TBC1D20: variants seen among roughly 807,000 people sequenced by gnomAD.
TBC1D20 encodes chromosome 20 open reading frame 140.
Under a neutral mutation model 41.6 loss-of-function variants are expected in TBC1D20, and 12 were observed. That is an observed-to-expected ratio of 0.29 (90% CI 0.18 to 0.47). The LOEUF is 0.47. TBC1D20 is among the 20% of genes least tolerant of loss of function. TBC1D20 has a pLI of 1.00. For synonymous variants in TBC1D20, 205 were observed against 204.8 expected, an observed-to-expected ratio of 1.00 and a Z score of -0.01; for missense variants, 421 against 517.4, an observed-to-expected ratio of 0.81 and a Z score of 1.81.
intron 1 of TBC1D20, among the ~76,000 whole-genome samples, chr20:455,332 A>C (rs1241755073): frequency 6.6e-6 from 1 of 152,198 alleles, no homozygotes; most frequent in Non-Finnish European, 1.5e-5. Flanking sequence ...AGAAATCATT[A>C]AAAATAAAAC....
At position 462,347 on chromosome 20, in the gene TBC1D20, G is replaced by T; in HGVS notation, c.59C>A (p.Ala20Glu). Residue 20 changes from alanine (A) to glutamate (E), a missense_variant, in exon 1 of 8, where the codon GCG (alanine) becomes GAG (glutamate). Around this residue, in one of 3 missense-constraint regions of TBC1D20, gnomAD observed 150 missense variants for 151.3 expected, o/e 0.99. Coordinates refer to ENST00000354200, the MANE Select transcript of TBC1D20 (RefSeq NM_144628.4). ...GPTSGHWDGGAEKADFNAKRK... is the reference protein window; with the variant it reads ...GPTSGHWDGGEEKADFNAKRK... ...GTCGGCTTCCGTACCTGCCTTCTCCGCGCCGCCGTCCCAGTGGCCGGAGGT... is the reference window on the plus strand; with the variant it reads ...GTCGGCTTCCGTACCTGCCTTCTCCTCGCCGCCGTCCCAGTGGCCGGAGGT... The T allele has an allele frequency of 7.7e-7, 1 of 1,306,280 alleles. No individual in the cohort carries two copies. The allele number at this position is 1,306,280 out of a possible 1,614,324, so 80.9% of individuals were successfully genotyped here.
chr20:441,697 G>A lies in TBC1D20; in HGVS notation c.525-8C>T, dbSNP rs749209948. On this transcript the variant is annotated splice_region_variant and splice_polypyrimidine_tract_variant and intron_variant, in intron 4 of 7. Coordinates refer to ENST00000354200, the MANE Select transcript of TBC1D20 (RefSeq NM_144628.4). Reference sequence around the variant, plus strand: ...GTTGGATCCATAAAATCCCTGGAGGGAGACAATTCAATAAGCCTGGTTACC... The same window carrying A: ...GTTGGATCCATAAAATCCCTGGAGGAAGACAATTCAATAAGCCTGGTTACC... The A allele has an allele frequency of 1.2e-6, 2 of 1,613,128 alleles. No homozygotes were observed. The highest frequency in any genetic ancestry group is 1.7e-5 in the Admixed American group (1 of 59,990).
intron 3 of TBC1D20, among the ~76,000 whole-genome samples, chr20:442,882 G>A (rs2017265238): frequency 1.3e-5 from 2 of 152,192 alleles, no homozygotes; most frequent in African/African-American, 4.8e-5. Flanking sequence ...TGGATCACGA[G>A]GTCAGGAGAT....
chr20:455,416 G>A (rs949898557), intron 1 of TBC1D20, among the ~76,000 whole-genome samples: 4 of 152,096 alleles, frequency 2.6e-5, no homozygotes, highest in African/African-American at 4.8e-5. Context: ...TCAGGAGATC[G>A]AGACCAGCCT....
chr20:454,669 ATTATT>A (rs1380962467), intron 1 of TBC1D20, among the ~76,000 whole-genome samples: 7 of 151,330 alleles, frequency 4.6e-5, no homozygotes, highest in East Asian at 3.9e-4. Context: ...TATTATTATT[ATTATT>A]TTATTTTTAT....
chr20:462,473 A>C lies in TBC1D20; in HGVS notation c.-68T>G, dbSNP rs1321123651. On this transcript the variant is annotated 5_prime_UTR_variant, in exon 1 of 8. Transcript: ENST00000354200. Reference sequence around the variant, plus strand: ...GGAGCCGGGAGAAGACGCGGCTCCGACCGCGGGACGTAGCACCCGCTCGGC... The same window carrying C: ...GGAGCCGGGAGAAGACGCGGCTCCGCCCGCGGGACGTAGCACCCGCTCGGC... The C allele has an allele frequency of 1.0e-6, 1 of 979,050 alleles. No individual in the cohort carries two copies. Among genetic ancestry groups the C allele is most frequent in the Non-Finnish European group, 1.3e-6 (1 of 770,418 alleles). 60.6% of individuals were successfully genotyped at this position (979,050 alleles called of 1,614,324 possible). A position where few individuals can be genotyped will look rare whatever the true frequency, so the allele number is the denominator to read the frequency against.
rs569052722 is a variant in TBC1D20, at chr20:457,299, C to T, written c.70+5037G>A. 3.9e-5 allele frequency among the ~76,000 whole-genome samples: 6 copies of T among 152,230 alleles called. No homozygotes were observed. The South Asian group carries it at 1.0e-3, about 26-fold the overall frequency. ...TCACTCTGTTGCCTTGGCTGGAGTG[C>T]AGTGGCACAATCATAGCTCACTGCA... On this transcript the variant is annotated intron_variant, in intron 1 of 7. Transcript: ENST00000354200.
At chr20:453,109 C>T (rs923083519) in intron 1 of TBC1D20, among the ~76,000 whole-genome samples, 17 of 128,234 alleles carry the variant, frequency 1.3e-4, no homozygotes, top group African/African-American at 4.9e-4. Context: ...TTGCAGATCG[C>T]GCCATTGCAC....
At chr20:456,595 C>T (rs1461087704) in intron 1 of TBC1D20, among the ~76,000 whole-genome samples, 2 of 152,116 alleles carry the variant, frequency 1.3e-5, no homozygotes, top group East Asian at 1.9e-4. Context: ...CGGAGTTACG[C>T]TCTTTGTTGC....
Position 439,330 on chromosome 20 carries a change from C to G in TBC1D20, c.769-35G>C, listed in dbSNP as rs2017181977. The G allele has an allele frequency of 4.5e-6, 7 of 1,551,082 alleles. No individual in the cohort carries two copies. In the East Asian group the frequency reaches 1.6e-4, roughly 35 times the overall value. On this transcript the variant is annotated intron_variant, in intron 6 of 7. Transcript: ENST00000354200. This position sits in a 1 kb window ranked among gnomAD's most constrained non-coding sequence, Gnocchi z 4.6. ...GGTAGTAAAGCCTTGCAGTCAGAGG[C>G]CAGACACACAGGGCCTGGGCCACCT...
Position 436,445 on chromosome 20 carries a change from A to G in TBC1D20, c.*2141T>C, listed in dbSNP as rs2017119517. ...CAGCAAAGTTAGAAAACAGATAAAC[A>G]TTCTCCTTCCGAGGCCACAACTCAA... On this transcript the variant is annotated 3_prime_UTR_variant, in exon 8 of 8. Transcript: ENST00000354200. 6.5e-6 allele frequency: 1 copy of G among 152,720 alleles called. No individual in the cohort carries two copies. Among genetic ancestry groups the G allele is most frequent in the Admixed American group, 6.5e-5 (1 of 15,286 alleles). The allele number at this position is 152,720 out of a possible 1,614,324, so 9.5% of individuals were successfully genotyped here.
At chr20:456,974 T>C (rs531747298) in intron 1 of TBC1D20, among the ~76,000 whole-genome samples, 170 of 148,680 alleles carry the variant, frequency 1.1e-3, no homozygotes, top group Non-Finnish European at 2.2e-3. Context: ...TTCACTCTTG[T>C]TGCCCAGGAT....
At chr20:441,827 C>T (rs758670406) in intron 4 of TBC1D20, 30 bp downstream of exon 4, 19 of 1,606,088 alleles carry the variant, frequency 1.2e-5, no homozygotes, top group Admixed American at 6.7e-5. Flanking sequence ...GGAGTGATGC[C>T]CGTCGTCTTG....
intron 1 of TBC1D20, among the ~76,000 whole-genome samples, chr20:454,236 C>CAA: frequency 9.2e-6 from 1 of 108,348 alleles, no homozygotes. Context: ...AGTTCTGTCT[C>CAA]AAAAAAAAAA....
At chr20:451,506 T>C (rs1252708691) in intron 1 of TBC1D20, among the ~76,000 whole-genome samples, 1 of 152,034 alleles carries the variant, frequency 6.6e-6, no homozygotes, top group Non-Finnish European at 1.5e-5. Context: ...CGAGATAGCG[T>C]CACTGCACTC....
chr20:462,434 C>G lies in TBC1D20; in HGVS notation c.-29G>C. ...CCGGGGCCCCGGGCCCCCACCCGAG[C>G]CCCGGCTGGTGGCGGAGCCGGGAGA... On this transcript the variant is annotated 5_prime_UTR_variant, in exon 1 of 8. Transcript: ENST00000354200. 8.4e-7 allele frequency: 1 copy of G among 1,189,908 alleles called. No homozygotes were observed. Among genetic ancestry groups the G allele is most frequent in the Non-Finnish European group, 1.1e-6 (1 of 950,434 alleles). The allele number at this position is 1,189,908 out of a possible 1,614,324, so 73.7% of individuals were successfully genotyped here.
At position 438,490 on chromosome 20, in the gene TBC1D20, A is replaced by G. The variant is rs967101273; in HGVS notation, c.*96T>C. 1.7e-5 allele frequency: 25 copies of G among 1,439,176 alleles called. No individual in the cohort carries two copies. The African/African-American group carries it at 3.6e-4, about 20-fold the overall frequency. 89.2% of individuals were successfully genotyped at this position (1,439,176 alleles called of 1,614,324 possible). On this transcript the variant is annotated 3_prime_UTR_variant, in exon 8 of 8. Coordinates refer to ENST00000354200, the MANE Select transcript of TBC1D20 (RefSeq NM_144628.4). ...GTGGCAGGAATAAAAAACTCTGGACAGAAACCCTTTTAATAAAGGAAATTC... is the reference window on the plus strand; with the variant it reads ...GTGGCAGGAATAAAAAACTCTGGACGGAAACCCTTTTAATAAAGGAAATTC...
chr20:445,545 C>T lies in TBC1D20; in HGVS notation c.257-415G>A, dbSNP rs186650536. ...AACAGACCACTGAAAAAAACCCTAA[C>T]GCCTATAAAGTTGTGGGAGCACTAA... On this transcript the variant is annotated intron_variant, in intron 2 of 7. Coordinates refer to ENST00000354200, the MANE Select transcript of TBC1D20 (RefSeq NM_144628.4). Among the ~76,000 whole-genome samples the T allele has an allele frequency of 5.5e-3, 831 of 151,916 alleles. 7 individuals are homozygous for T. Among genetic ancestry groups the T allele is most frequent in the African/African-American group, 0.019 (779 of 41,272 alleles).
intron 1 of TBC1D20, among the ~76,000 whole-genome samples, chr20:457,087 C>A (rs145886802): frequency 6.6e-6 from 1 of 151,904 alleles, no homozygotes; most frequent in African/African-American, 2.4e-5. Context: ...CAGGCATGCA[C>A]CACCATGCCT....
Sources: gnomAD v4.1 joint callset for allele counts (sites outside exome capture counted in the v4.1 genomes callset) on GRCh38, gnomAD v4.1.1 for gene constraint, gnomAD v4.1.1 regional missense constraint, Gnocchi (gnomAD v3.1) non-coding constraint, MANE v1.5 for transcripts, NCBI Gene and HGNC (gene_info 2026-07-23, HGNC 2026-07-21) for gene names.